BMAL1: variants seen among roughly 807,000 people sequenced by gnomAD.
BMAL1 encodes the protein basic helix-loop-helix ARNT-like protein 1.
At chr11:13,279,056 C>G in the BMAL1 span, among the ~76,000 whole-genome samples, 1 of 152,170 alleles carries the variant, frequency 6.6e-6, no homozygotes, top group Non-Finnish European at 1.5e-5. Flanking sequence ...GGTGAGAGAC[C>G]CGCTGCCGCC....
chr11:13,320,130 C>T, the BMAL1 span, among the ~76,000 whole-genome samples: 4 of 152,350 alleles, frequency 2.6e-5, no homozygotes, highest in South Asian at 6.2e-4. Flanking sequence ...GGGGCCTTAA[C>T]TGATCACAGG....
chr11:13,277,783 G>C, the BMAL1 span: 1 of 152,642 alleles, frequency 6.6e-6, no homozygotes, highest in African/African-American at 2.4e-5. Context: ...TGGTCGGAAA[G>C]TAGGTTAGTG....
At chr11:13,372,433 G>A in the BMAL1 span, 3 of 1,609,642 alleles carry the variant, frequency 1.9e-6, no homozygotes, top group African/African-American at 1.3e-5. Flanking sequence ...TACTACCCTT[G>A]AGCAATGATG....
chr11:13,347,525 T>G, the BMAL1 span, among the ~76,000 whole-genome samples: 1 of 152,104 alleles, frequency 6.6e-6, no homozygotes, highest in African/African-American at 2.4e-5. Flanking sequence ...AGTTTAGTAC[T>G]TGAAATTTGG....
the BMAL1 span, among the ~76,000 whole-genome samples, chr11:13,295,430 G>A: frequency 3.9e-5 from 6 of 152,150 alleles, no homozygotes; most frequent in Non-Finnish European, 5.9e-5. Context: ...CCTGTTTGTC[G>A]AGAAGTGGGA....
At chr11:13,294,485 C>T in the BMAL1 span, among the ~76,000 whole-genome samples, 1 of 152,312 alleles carries the variant, frequency 6.6e-6, no homozygotes, top group South Asian at 2.1e-4. Context: ...AGCCAAACCA[C>T]GAATTTTTGT....
At chr11:13,375,622 G>C in the BMAL1 span, 1 of 1,572,946 alleles carries the variant, frequency 6.4e-7, no homozygotes, top group Admixed American at 2.0e-5. Context: ...TTTTACAGAC[G>C]AGAGAAAAAA....
At chr11:13,280,234 AATG>A in the BMAL1 span, among the ~76,000 whole-genome samples, 5 of 152,264 alleles carry the variant, frequency 3.3e-5, no homozygotes, top group African/African-American at 1.2e-4. Context: ...TGATTTATAA[AATG>A]ATGACTACTT....
the BMAL1 span, among the ~76,000 whole-genome samples, chr11:13,368,818 C>T: frequency 6.6e-6 from 1 of 152,088 alleles, no homozygotes; most frequent in Non-Finnish European, 1.5e-5. Context: ...ACATGAGCCA[C>T]ATATATAATT....
At chr11:13,298,670 C>A in the BMAL1 span, among the ~76,000 whole-genome samples, 6 of 152,106 alleles carry the variant, frequency 3.9e-5, no homozygotes, top group Non-Finnish European at 5.9e-5. Context: ...TTTGGATGCA[C>A]AAAGGTAAAG....
the BMAL1 span, among the ~76,000 whole-genome samples, chr11:13,365,263 T>C: frequency 6.8e-6 from 1 of 147,582 alleles, no homozygotes; most frequent in Non-Finnish European, 1.5e-5. Flanking sequence ...CTTCCTATAA[T>C]AATTAGATGA....
At chr11:13,356,961 T>A in the BMAL1 span, 1 of 1,597,994 alleles carries the variant, frequency 6.3e-7, no homozygotes, top group Non-Finnish European at 8.5e-7. Context: ...TGCAGAGAGA[T>A]GACAGGATCA....
At chr11:13,293,646 T>C in the BMAL1 span, among the ~76,000 whole-genome samples, 3 of 152,258 alleles carry the variant, frequency 2.0e-5, no homozygotes, top group African/African-American at 4.8e-5. Flanking sequence ...TGCTCTCCAC[T>C]GGTCAAGGCC....
At chr11:13,296,723 G>T in the BMAL1 span, among the ~76,000 whole-genome samples, 7 of 152,184 alleles carry the variant, frequency 4.6e-5, no homozygotes, top group Non-Finnish European at 7.3e-5. Flanking sequence ...TTAAATTTGT[G>T]AAGTTTTGTT....
the BMAL1 span, among the ~76,000 whole-genome samples, chr11:13,365,043 C>A: frequency 2.0e-5 from 3 of 152,050 alleles, no homozygotes; most frequent in Non-Finnish European, 2.9e-5. Context: ...GCTCCCTGTA[C>A]GTGGAGGTTT....
At chr11:13,347,759 A>G in the BMAL1 span, among the ~76,000 whole-genome samples, 1 of 152,136 alleles carries the variant, frequency 6.6e-6, no homozygotes. Flanking sequence ...CTGAGGCAGG[A>G]GGATAGTTTG....
the BMAL1 span, among the ~76,000 whole-genome samples, chr11:13,284,282 C>A: frequency 9.0e-6 from 1 of 111,492 alleles, no homozygotes; most frequent in African/African-American, 3.5e-5. Context: ...TTTTTTAATG[C>A]CAGTTGTTCC....
At chr11:13,337,717 T>C in the BMAL1 span, among the ~76,000 whole-genome samples, 20 of 152,234 alleles carry the variant, frequency 1.3e-4, no homozygotes, top group Non-Finnish European at 2.2e-4. Flanking sequence ...TTACTGGTCT[T>C]TGTGTTTCAT....
the BMAL1 span, chr11:13,381,368 C>T: frequency 1.0e-6 from 1 of 1,001,676 alleles, no homozygotes; most frequent in Non-Finnish European, 1.5e-6. Flanking sequence ...TGGACTACTT[C>T]CTCCTTGAAG....
Sources: gnomAD v4.1 joint callset for allele counts (sites outside exome capture counted in the v4.1 genomes callset) on GRCh38, gnomAD v4.1.1 for gene constraint, MANE v1.5 for transcripts, NCBI Gene and HGNC (gene_info 2026-07-23, HGNC 2026-07-21) for gene names.